The following ZFP91 variants were observed in gnomAD, a reference collection of about 807,000 sequenced individuals.
ZFP91 encodes E3 ubiquitin-protein ligase ZFP91.
A neutral mutation model predicts 63.5 loss-of-function variants in ZFP91; 7 were observed. That is an observed-to-expected ratio of 0.11 (90% CI 0.06 to 0.21). The LOEUF is 0.21. Among genes scored for constraint, ZFP91 ranks in the 10% least tolerant of loss-of-function variants. The probability of loss-of-function intolerance (pLI) is 1.00; values close to 1 mark genes in which losing one functional copy is unlikely to be tolerated. For missense variants in ZFP91, 628 were observed against 736.6 expected, an observed-to-expected ratio of 0.85 and a Z score of 1.71; for synonymous variants, 330 against 272.1, an observed-to-expected ratio of 1.21 and a Z score of -2.10.
Position 58,617,765 on chromosome 11 carries a change from G to T in ZFP91, c.*59G>T. The T allele has an allele frequency of 7.0e-7, 1 of 1,429,052 alleles. No individual in the cohort carries two copies. The highest frequency in any genetic ancestry group is 1.7e-5 in the South Asian group (1 of 58,044). 88.5% of individuals were successfully genotyped at this position (1,429,052 alleles called of 1,614,324 possible). On this transcript the variant is annotated 3_prime_UTR_variant, in exon 11 of 11. Transcript: ENST00000316059. This position sits in a 1 kb window ranked among gnomAD's most constrained non-coding sequence, Gnocchi z 4.2. ...GACTTTGTATTTAAAAGTTAAAAAG[G>T]ACAAAAAAAAAATCTAAAGCATTTA...
chr11:58,618,029 T>G lies in ZFP91; in HGVS notation c.*323T>G. 4.3e-6 allele frequency: 1 copy of G among 232,028 alleles called. No homozygotes were observed. Among genetic ancestry groups the G allele is most frequent in the African/African-American group, 2.2e-5 (1 of 44,506 alleles). 14.4% of individuals were successfully genotyped at this position (232,028 alleles called of 1,614,324 possible). On this transcript the variant is annotated 3_prime_UTR_variant, in exon 11 of 11. Coordinates refer to ENST00000316059, the MANE Select transcript of ZFP91 (RefSeq NM_053023.5). ...TTCCTGCTCATCGGCAGATCCCCCT[T>G]TCCAACCTGTAACTCTGATGTGCTC... is the stretch of plus-strand genomic sequence containing the variant.
rs572972321 is a variant in ZFP91 at position 58,618,404 on chromosome 11, G to A, written c.*698G>A. The A allele has an allele frequency of 7.3e-6, 2 of 272,362 alleles. No individual in the cohort carries two copies. The highest frequency in any genetic ancestry group is 5.0e-5 in the Admixed American group (1 of 20,148). The allele number at this position is 272,362 out of a possible 1,614,324, so 16.9% of individuals were successfully genotyped here. A position where few individuals can be genotyped will look rare whatever the true frequency, so the allele number is the denominator to read the frequency against. On this transcript the variant is annotated 3_prime_UTR_variant, in exon 11 of 11. Coordinates refer to ENST00000316059, the MANE Select transcript of ZFP91 (RefSeq NM_053023.5). The stretch of plus-strand genomic sequence containing the variant: ...ATGGTGCTCACTTGCTTGGAAGCAG[G>A]CTCCCAATAGGGAGGGGGCTGCCCT...
At chr11:58,596,919 G>T (rs1855414108) in intron 2 of ZFP91, among the ~76,000 whole-genome samples, 1 of 151,728 alleles carries the variant, frequency 6.6e-6, no homozygotes, top group African/African-American at 2.4e-5. Context: ...CTTTTCCATA[G>T]AATATCGTGT....
chr11:58,606,692 A>G (rs564228434), intron 2 of ZFP91, among the ~76,000 whole-genome samples: 12 of 151,314 alleles, frequency 7.9e-5, no homozygotes, highest in Non-Finnish European at 1.8e-4. Context: ...ATGAGTACCT[A>G]ATGTTTAGCT....
At chr11:58,582,479 C>T (rs1590607695) in intron 1 of ZFP91, among the ~76,000 whole-genome samples, 1 of 152,178 alleles carries the variant, frequency 6.6e-6, no homozygotes, top group African/African-American at 2.4e-5. Flanking sequence ...TCTTAGTAAT[C>T]AGCTGTTTAA....
At chr11:58,593,183 TAATG>T (rs1433852678) in intron 2 of ZFP91, among the ~76,000 whole-genome samples, 1 of 152,190 alleles carries the variant, frequency 6.6e-6, no homozygotes, top group Non-Finnish European at 1.5e-5. Flanking sequence ...CAGTTAATAA[TAATG>T]TATTACATAT....
chr11:58,604,351 G>A (rs1019740834), intron 2 of ZFP91, among the ~76,000 whole-genome samples: 16 of 152,154 alleles, frequency 1.1e-4, no homozygotes, highest in African/African-American at 3.6e-4. Flanking sequence ...GCAGCTATAA[G>A]CCAAGTTGTT....
chr11:58,610,348 T>A lies in ZFP91; in HGVS notation c.617+14T>A. The A allele has an allele frequency of 6.3e-7, 1 of 1,580,486 alleles. No homozygotes were observed. The highest frequency in any genetic ancestry group is 8.6e-7 in the Non-Finnish European group (1 of 1,168,838). ...AGGTGGCATTAGGTAAAAAAAACAT[T>A]AATATTTCATTTTTAAACCTTTGGG... is the stretch of plus-strand genomic sequence containing the variant. On this transcript the variant is annotated intron_variant, in intron 4 of 10. Coordinates refer to ENST00000316059, the MANE Select transcript of ZFP91 (RefSeq NM_053023.5).
chr11:58,588,671 C>G (rs933845753), intron 2 of ZFP91, among the ~76,000 whole-genome samples: 2 of 152,142 alleles, frequency 1.3e-5, no homozygotes, highest in Non-Finnish European at 2.9e-5. Flanking sequence ...CTCAATATAA[C>G]ATTGACTGTT....
intron 8 of ZFP91, among the ~76,000 whole-genome samples, chr11:58,613,332 A>G (rs1855696946): frequency 6.6e-6 from 1 of 152,148 alleles, no homozygotes; most frequent in African/African-American, 2.4e-5. Flanking sequence ...AATCTACTCC[A>G]ATGATAATAT....
At chr11:58,583,971 G>C (rs1855162118) in intron 1 of ZFP91, among the ~76,000 whole-genome samples, 1 of 151,988 alleles carries the variant, frequency 6.6e-6, no homozygotes, top group Non-Finnish European at 1.5e-5. Flanking sequence ...GTATCTATAT[G>C]ATAAATGTTC....
At chr11:58,585,353 G>C (rs1185489159) in intron 2 of ZFP91, among the ~76,000 whole-genome samples, 18 of 152,096 alleles carry the variant, frequency 1.2e-4, no homozygotes, top group Admixed American at 1.2e-3. Flanking sequence ...ATAGTTTTCT[G>C]TTTTCCTGGA....
intron 9 of ZFP91, 25 bp from the exon 10 acceptor site, chr11:58,616,691 A>C: frequency 1.9e-6 from 3 of 1,600,538 alleles, no homozygotes; most frequent in Non-Finnish European, 1.7e-6. Flanking sequence ...TAAATAGAAC[A>C]CTAACCACAG....
At chr11:58,605,945 A>G (rs901952327) in intron 2 of ZFP91, among the ~76,000 whole-genome samples, 1 of 151,398 alleles carries the variant, frequency 6.6e-6, no homozygotes, top group Non-Finnish European at 1.5e-5. Context: ...TATATTCTTC[A>G]TACTGGATCA....
chr11:58,586,061 TG>T (rs1172859775), intron 2 of ZFP91, among the ~76,000 whole-genome samples: 1 of 152,118 alleles, frequency 6.6e-6, no homozygotes, highest in Non-Finnish European at 1.5e-5. Context: ...TTCCTGTTGT[TG>T]TTACTTAGAA....
intron 2 of ZFP91, among the ~76,000 whole-genome samples, chr11:58,599,070 CTT>C (rs1290453900): frequency 6.6e-6 from 1 of 151,972 alleles, no homozygotes; most frequent in Non-Finnish European, 1.5e-5. Flanking sequence ...CAATATGTGA[CTT>C]TTGTTTCTAG....
At chr11:58,580,093 C>CTTT (rs11416026) in intron 1 of ZFP91, among the ~76,000 whole-genome samples, 17,017 of 144,262 alleles carry the variant, frequency 0.12, 1,179 homozygotes, top group Admixed American at 0.17. Context: ...GTTTATGTAG[C>CTTT]TTTTTTTTTT....
chr11:58,614,966 C>T (rs1400253313), intron 9 of ZFP91, among the ~76,000 whole-genome samples: 1 of 152,158 alleles, frequency 6.6e-6, no homozygotes, highest in Non-Finnish European at 1.5e-5. Flanking sequence ...GTCCCAGACA[C>T]TTGATAATTA....
chr11:58,599,886 A>G (rs1176222283), intron 2 of ZFP91, among the ~76,000 whole-genome samples: 1 of 152,038 alleles, frequency 6.6e-6, no homozygotes, highest in African/African-American at 2.4e-5. Context: ...TAGGAATACA[A>G]CGTCATTTTT....
Sources: gnomAD v4.1 joint callset for allele counts (sites outside exome capture counted in the v4.1 genomes callset) on GRCh38, gnomAD v4.1.1 for gene constraint, Gnocchi (gnomAD v3.1) non-coding constraint, MANE v1.5 for transcripts, NCBI Gene and HGNC (gene_info 2026-07-23, HGNC 2026-07-21) for gene names.